Variants in XIAP observed in about 807,000 individuals in gnomAD.
XIAP encodes the protein E3 ubiquitin-protein ligase XIAP.
XIAP carries 3 observed loss-of-function variants against 33.1 expected under a neutral mutation model. The observed-to-expected ratio is 0.09, with a 90% CI of 0.04 to 0.23. The LOEUF (loss-of-function observed/expected upper bound fraction) is 0.23, where lower values mean the gene tolerates loss of function less well. XIAP is among the 10% of genes least tolerant of loss of function. The pLI is 1.00. For missense variants in XIAP, 264 were observed against 363.0 expected (o/e 0.73, Z 2.22); for synonymous variants, 98 against 121.3 (o/e 0.81, Z 1.26).
At chrX:123,880,188 G>A (rs891529129) in intron 1 of XIAP, among the ~76,000 whole-genome samples, 6 of 109,701 alleles carry the variant, frequency 5.5e-5, no homozygotes, top group Non-Finnish European at 5.7e-5. Flanking sequence ...CGAGGCGGGC[G>A]GATCACCTGA....
At chrX:123,869,004 T>C (rs2053168801) in intron 1 of XIAP, among the ~76,000 whole-genome samples, 1 of 110,338 alleles carries the variant, frequency 9.1e-6, no homozygotes, top group Admixed American at 9.9e-5. Context: ...TTTATGTATT[T>C]TCGAGGATAT....
At chrX:123,886,659 T>C in intron 2 of XIAP, 120 bp downstream of exon 2, 2 of 750,785 alleles carry the variant, frequency 2.7e-6, no homozygotes, top group South Asian at 5.1e-5. Context: ...GGCATGATTA[T>C]ATATATATCT....
At chrX:123,867,092 C>T (rs1246242069) in intron 1 of XIAP, among the ~76,000 whole-genome samples, 4 of 59,659 alleles carry the variant, frequency 6.7e-5, no homozygotes, top group Middle Eastern at 0.017. Flanking sequence ...TTTTTTGAGA[C>T]GGAGTCTCGC....
Position 123,913,735 on chromosome X carries a change from A to G in XIAP, c.*6554A>G. 1 of 325,268 alleles carries G rather than the reference A, an allele frequency of 3.1e-6. No individual in the cohort carries two copies. The highest frequency in any genetic ancestry group is 5.9e-6 in the Non-Finnish European group (1 of 168,934). 26.8% of individuals were successfully genotyped at this position (325,268 alleles called of 1,213,427 possible). On this transcript the variant is annotated 3_prime_UTR_variant, in exon 7 of 7. Coordinates refer to ENST00000371199, the MANE Select transcript of XIAP (RefSeq NM_001167.4). ...ATTTTGCATTTTTTTCATTACTGTT[A>G]TATTTTAACCTGACTGACTGATCTA...
intron 1 of XIAP, among the ~76,000 whole-genome samples, chrX:123,864,301 C>G (rs1447366930): frequency 9.2e-6 from 1 of 109,109 alleles, no homozygotes; most frequent in Non-Finnish European, 1.9e-5. Context: ...TTTGTTTGGT[C>G]TAATATTTAA....
chrX:123,886,675 A>T, intron 2 of XIAP, 136 bp downstream of exon 2: 1 of 671,713 alleles, frequency 1.5e-6, no homozygotes, highest in Non-Finnish European at 2.2e-6. Context: ...TATCTGTATT[A>T]TTCCGTGAAC....
At chrX:123,863,236 A>G in intron 1 of XIAP, among the ~76,000 whole-genome samples, 1 of 111,373 alleles carries the variant, frequency 9.0e-6, no homozygotes, top group Middle Eastern at 4.6e-3. Context: ...GGATCACCTG[A>G]GGTCAGGAGT....
At chrX:123,872,317 CT>C (rs777013648) in intron 1 of XIAP, among the ~76,000 whole-genome samples, 77 of 98,177 alleles carry the variant, frequency 7.8e-4, no homozygotes, top group South Asian at 1.3e-3. Context: ...ACAAGAAGTC[CT>C]TTTTTTTTTT....
intron 1 of XIAP, among the ~76,000 whole-genome samples, chrX:123,883,521 A>T: frequency 2.5e-5 from 2 of 79,964 alleles, no homozygotes; most frequent in African/African-American, 1.0e-4. Context: ...TTTGAGACAG[A>T]GTTTCACTCT....
rs2053605017 is a variant in XIAP, at chrX:123,911,774, T to C, written c.*4593T>C. On this transcript the variant is annotated 3_prime_UTR_variant, in exon 7 of 7. Coordinates refer to ENST00000371199, the MANE Select transcript of XIAP (RefSeq NM_001167.4). ...TAGTTGAGCTTTCTAAGAGAAGCAA[T>C]TGGCTTTTTCCCACTTCAATAATCA... 1 of 327,919 alleles carries C rather than the reference T, an allele frequency of 3.0e-6. No individual in the cohort carries two copies. The highest frequency in any genetic ancestry group is 2.6e-5 in the African/African-American group (1 of 37,736). The allele number at this position is 327,919 out of a possible 1,213,427, so 27.0% of individuals were successfully genotyped here.
In XIAP at chrX:123,913,105, T is replaced by C. The variant is rs1410545637; in HGVS notation, c.*5924T>C. On this transcript the variant is annotated 3_prime_UTR_variant, in exon 7 of 7. Coordinates refer to ENST00000371199, the MANE Select transcript of XIAP (RefSeq NM_001167.4). The stretch of plus-strand genomic sequence containing the variant: ...CTTGTGTGATTTTATCTAAGGGACT[T>C]AAGCGTCCTCAGGTCCTAGGGGGTC... 7 of 326,170 alleles carry C rather than the reference T, an allele frequency of 2.1e-5. No individual in the cohort carries two copies. The highest frequency in any genetic ancestry group is 1.9e-4 in the African/African-American group (7 of 37,231). The allele number at this position is 326,170 out of a possible 1,213,427, so 26.9% of individuals were successfully genotyped here.
rs1602544077 is a variant in XIAP, at chrX:123,885,830, T to C, written c.168T>C (p.Gly56=). 1.7e-6 allele frequency: 2 copies of C among 1,211,775 alleles called. No individual in the cohort carries two copies. Among genetic ancestry groups the C allele is most frequent in the African/African-American group, 1.7e-5 (1 of 57,795 alleles). Residue 56 remains glycine (G), a synonymous_variant, in exon 2 of 7, where the codon GGT becomes GGC. Coordinates refer to ENST00000371199, the MANE Select transcript of XIAP (RefSeq NM_001167.4). ...CACGAGCAGGGTTTCTTTATACTGG[T>C]GAAGGAGATACCGTGCGGTGCTTTA... ...TLARAGFLYT[G]EGDTVRCFSC...
Position 123,900,661 on chromosome X carries a change from A to C in XIAP, c.1268A>C (p.Gln423Pro), listed in dbSNP as rs5956583. 0.36 allele frequency: 433,707 copies of C among 1,208,247 alleles called. 55,380 individuals are homozygous for C. Among genetic ancestry groups the C allele is most frequent in the African/African-American group, 0.47 (26,720 of 56,731 alleles). Residue 423 changes from glutamine to proline, a missense_variant, in exon 6 of 7, where the codon CAA becomes CCA. Physicochemically the swap from Gln to Pro is moderately conservative, Grantham distance 76 (BLOSUM62 -1). Transcript: ENST00000371199. ...GTGAATGCTCAGAAAGACAGTATGC[A>C]AGATGAGTCAAGTCAGACTTCATTA... ...DLVNAQKDSMQDESSQTSLQK... is the reference protein window; with the variant it reads ...DLVNAQKDSMPDESSQTSLQK...
chrX:123,890,494 A>G (rs374617021), intron 3 of XIAP, among the ~76,000 whole-genome samples: 3 of 107,342 alleles, frequency 2.8e-5, no homozygotes, highest in South Asian at 4.2e-4. Flanking sequence ...GCCAGTCATG[A>G]TGGCACACAC....
At chrX:123,890,042 A>G (rs1461008938) in intron 3 of XIAP, among the ~76,000 whole-genome samples, 2 of 54,434 alleles carry the variant, frequency 3.7e-5, no homozygotes, top group East Asian at 1.5e-3. Flanking sequence ...TTTGAGACGG[A>G]GTCTCGCTCT....
Position 123,912,171 on chromosome X carries a change from G to A in XIAP, c.*4990G>A, listed in dbSNP as rs777459219. On this transcript the variant is annotated 3_prime_UTR_variant, in exon 7 of 7. Coordinates refer to ENST00000371199, the MANE Select transcript of XIAP (RefSeq NM_001167.4). The stretch of plus-strand genomic sequence containing the variant: ...TATAGCCAGCCCTTCATATCTGTGG[G>A]TTTTGCATCCATGGATTCAACCAAG... 68 of 308,415 alleles carry A rather than the reference G, an allele frequency of 2.2e-4. No individual in the cohort carries two copies. Among genetic ancestry groups the A allele is most frequent in the South Asian group, 1.9e-3 (67 of 34,421 alleles). The allele number at this position is 308,415 out of a possible 1,213,427, so 25.4% of individuals were successfully genotyped here.
chrX:123,904,308 A>AT lies in XIAP; in HGVS notation c.1301-2673dup, dbSNP rs2053541509. 3.6e-5 allele frequency among the ~76,000 whole-genome samples: 4 copies of AT among 111,546 alleles called. No individual in the cohort carries two copies. In the South Asian group the frequency reaches 1.5e-3, roughly 41 times the overall value. ...GTGGAAATTACTTGTTCTCCTTTTG[A>AT]TTTTTTTGGCATGAAATACACACTT... is the stretch of plus-strand genomic sequence containing the variant. On this transcript the variant is annotated intron_variant, in intron 6 of 6. Coordinates refer to ENST00000371199, the MANE Select transcript of XIAP (RefSeq NM_001167.4).
intron 1 of XIAP, among the ~76,000 whole-genome samples, chrX:123,867,212 A>G (rs751878874): frequency 9.4e-6 from 1 of 106,873 alleles, no homozygotes; most frequent in Admixed American, 1.0e-4. Flanking sequence ...CTGGGACTAC[A>G]GGTGCCCGCC....
At chrX:123,883,731 G>A (rs1281000967) in intron 1 of XIAP, among the ~76,000 whole-genome samples, 1 of 109,211 alleles carries the variant, frequency 9.2e-6, no homozygotes, top group African/African-American at 3.3e-5. Context: ...CCCGACCTCA[G>A]GTGATTTGCC....
Sources: allele counts gnomAD v4.1 joint callset (sites outside exome capture counted in the v4.1 genomes callset), GRCh38; gene constraint gnomAD v4.1.1; transcripts MANE v1.5; gene names NCBI Gene and HGNC (gene_info 2026-07-23, HGNC 2026-07-21).